CSMD2: variants seen among roughly 807,000 people sequenced by gnomAD.
The protein encoded by CSMD2 is CUB and sushi domain-containing protein 2.
In CSMD2, 130 loss-of-function variants were observed where a neutral mutation model predicts 398.5. The ratio of observed to expected loss-of-function variants is 0.33; its 90% CI spans 0.28 to 0.38. CSMD2 has a LOEUF of 0.38. Among genes scored for constraint, CSMD2 ranks in the 10% least tolerant of loss-of-function variants. The pLI is 1.00. For synonymous variants in CSMD2, 1,828 were observed against 1,908.5 expected (o/e 0.96, Z 1.10); for missense variants, 3,829 against 4,764.9 (o/e 0.80, Z 5.78).
chr1:34,080,411 C>T (rs1571035849), intron 2 of CSMD2, among the ~76,000 whole-genome samples: 3 of 152,044 alleles, frequency 2.0e-5, no homozygotes, highest in Admixed American at 1.3e-4. Flanking sequence ...ATAATTTTTT[C>T]ACCTTTCATA....
intron 57 of CSMD2, among the ~76,000 whole-genome samples, chr1:33,545,607 C>G (rs1656803989): frequency 6.6e-6 from 1 of 152,176 alleles, no homozygotes; most frequent in Non-Finnish European, 1.5e-5. Flanking sequence ...CATGACCTAA[C>G]AACTTCCCAA....
At chr1:33,957,649 C>A (rs1645212542) in intron 3 of CSMD2, among the ~76,000 whole-genome samples, 1 of 152,142 alleles carries the variant, frequency 6.6e-6, no homozygotes, top group Admixed American at 6.5e-5. Flanking sequence ...ACTAAGATTG[C>A]TGACATGAGA....
At chr1:33,566,413 T>C (rs1295036955) in intron 53 of CSMD2, among the ~76,000 whole-genome samples, 8 of 151,798 alleles carry the variant, frequency 5.3e-5, no homozygotes, top group Admixed American at 5.2e-4. Flanking sequence ...GTGGTTACCA[T>C]GGGTGGAGAA....
chr1:33,987,285 C>T (rs1325913601), intron 3 of CSMD2, among the ~76,000 whole-genome samples: 3 of 152,140 alleles, frequency 2.0e-5, no homozygotes, highest in Non-Finnish European at 4.4e-5. Flanking sequence ...GATCAACTAA[C>T]ATTTACCAAT....
intron 14 of CSMD2, among the ~76,000 whole-genome samples, chr1:33,740,827 G>A (rs1257516969): frequency 2.0e-5 from 3 of 151,928 alleles, no homozygotes; most frequent in East Asian, 1.9e-4. Context: ...ACACATACAC[G>A]CGCGCGCGTG....
intron 12 of CSMD2, among the ~76,000 whole-genome samples, chr1:33,776,088 G>A (rs1172311669): frequency 6.6e-6 from 1 of 152,210 alleles, no homozygotes; most frequent in African/African-American, 2.4e-5. Context: ...TTAGGTAGCA[G>A]CTCATGAGGC....
chr1:33,567,627 A>T lies in CSMD2; in HGVS notation c.8346T>A (p.Asp2782Glu). ...IGMSVRICQQDHHWSGKTPFC... is the reference protein window; with the variant it reads ...IGMSVRICQQEHHWSGKTPFC... ...AAGGGGTCTTGCCCGACCAGTGATG[A>T]TCCTGCTGGCAGATGCGCACAGACA... The change falls in exon 53 of 71, where the codon GAT (aspartate) becomes GAA (glutamate). Residue 2782 changes from aspartate (D) to glutamate (E), a missense_variant. Physicochemically the swap from Asp to Glu is conservative, Grantham distance 45. Transcript: ENST00000373381. 6.2e-7 allele frequency: 1 copy of T among 1,614,206 alleles called. No individual in the cohort carries two copies. Among genetic ancestry groups the T allele is most frequent in the South Asian group, 1.1e-5 (1 of 91,086 alleles).
At chr1:34,082,531 T>TG (rs558482810) in intron 2 of CSMD2, among the ~76,000 whole-genome samples, 1,527 of 136,292 alleles carry the variant, frequency 0.011, 23 homozygotes, top group African/African-American at 0.039. Flanking sequence ...GTCTGGGGGG[T>TG]GGGGGGGCCC....
Position 33,624,539 on chromosome 1 carries a change from G to C in CSMD2, c.5605C>G (p.Pro1869Ala). ...SLNCVWKIVVPEGAGIQIQVV... is the reference protein window; with the variant it reads ...SLNCVWKIVVAEGAGIQIQVV... Reference sequence around the variant, plus strand: ...CCTACCTGGATGCCAGCGCCTTCGGGGACCACGATCTTCCACACACAGTTG... The same window carrying C: ...CCTACCTGGATGCCAGCGCCTTCGGCGACCACGATCTTCCACACACAGTTG... The change falls in exon 35 of 71, where the codon CCC (proline) becomes GCC (alanine). Residue 1869 changes from proline (P) to alanine (A), a missense_variant. Pro to Ala is a conservative substitution (Grantham distance 27). Coordinates refer to ENST00000373381, the MANE Select transcript of CSMD2 (RefSeq NM_001281956.2). This position sits in a 1 kb window ranked among gnomAD's most constrained non-coding sequence, Gnocchi z 4.7. 6.2e-7 allele frequency: 1 copy of C among 1,613,894 alleles called. No homozygotes were observed. The highest frequency in any genetic ancestry group is 1.3e-5 in the African/African-American group (1 of 75,056).
chr1:33,926,135 G>C (rs1016235572), intron 4 of CSMD2, among the ~76,000 whole-genome samples: 1 of 152,126 alleles, frequency 6.6e-6, no homozygotes, highest in African/African-American at 2.4e-5. Context: ...TGAGAACAGA[G>C]GCCATGTCTG....
intron 25 of CSMD2, among the ~76,000 whole-genome samples, chr1:33,666,916 C>A (rs1258563517): frequency 6.6e-6 from 1 of 151,976 alleles, no homozygotes; most frequent in East Asian, 1.9e-4. Flanking sequence ...TCAGGGAAGG[C>A]AAAAGGAAAT....
At chr1:33,586,262 A>G (rs1006470862) in intron 46 of CSMD2, among the ~76,000 whole-genome samples, 2 of 152,226 alleles carry the variant, frequency 1.3e-5, no homozygotes, top group East Asian at 3.9e-4. Context: ...ATGAAAATAA[A>G]TGTGGCCACT....
intron 3 of CSMD2, among the ~76,000 whole-genome samples, chr1:33,941,353 T>C (rs1644667487): frequency 6.6e-6 from 1 of 152,222 alleles, no homozygotes; most frequent in Non-Finnish European, 1.5e-5. Context: ...TCATTTATGC[T>C]CTCTGGACAA....
intron 26 of CSMD2, among the ~76,000 whole-genome samples, chr1:33,660,346 TTC>T (rs1461689710): frequency 1.3e-5 from 2 of 152,142 alleles, no homozygotes; most frequent in Admixed American, 6.5e-5. Flanking sequence ...TGTTCTCACT[TTC>T]TCTCTTTAAT....
At chr1:33,650,067 G>T (rs1472543414) in intron 28 of CSMD2, among the ~76,000 whole-genome samples, 1 of 152,152 alleles carries the variant, frequency 6.6e-6, no homozygotes, top group Non-Finnish European at 1.5e-5. Flanking sequence ...CACCGGCGAA[G>T]GGTTTCGGAG....
intron 25 of CSMD2, among the ~76,000 whole-genome samples, chr1:33,665,698 G>A (rs1381510978): frequency 6.6e-6 from 1 of 151,800 alleles, no homozygotes; most frequent in Non-Finnish European, 1.5e-5. Flanking sequence ...AAATTCCTGG[G>A]ATTACAGGTG....
At chr1:33,997,803 C>T (rs867521340) in intron 3 of CSMD2, among the ~76,000 whole-genome samples, 18 of 152,126 alleles carry the variant, frequency 1.2e-4, no homozygotes, top group African/African-American at 4.3e-4. Context: ...GATCTGTCTG[C>T]ATATTTACTG....
intron 24 of CSMD2, among the ~76,000 whole-genome samples, chr1:33,695,345 C>A (rs988910160): frequency 2.0e-5 from 3 of 152,194 alleles, no homozygotes; most frequent in South Asian, 2.1e-4. Flanking sequence ...AGTTAATTGA[C>A]TGCATGACAC....
chr1:33,563,922 A>C (rs1658811011), intron 53 of CSMD2, among the ~76,000 whole-genome samples: 1 of 152,160 alleles, frequency 6.6e-6, no homozygotes, highest in Admixed American at 6.5e-5. Context: ...CTTAGCACAG[A>C]GTAAACACTT....
Sources: allele counts gnomAD v4.1 joint callset (sites outside exome capture counted in the v4.1 genomes callset), GRCh38; gene constraint gnomAD v4.1.1; non-coding constraint Gnocchi (gnomAD v3.1); transcripts MANE v1.5; gene names NCBI Gene and HGNC (gene_info 2026-07-23, HGNC 2026-07-21).